PTPRN2: variants seen among roughly 807,000 people sequenced by gnomAD.
The protein encoded by PTPRN2 is protein tyrosine phosphatase receptor type N2, also known as receptor-type tyrosine-protein phosphatase N2.
PTPRN2 carries 74 observed loss-of-function variants against 118.8 expected under a neutral mutation model. The ratio of observed to expected loss-of-function variants is 0.62; its 90% CI spans 0.52 to 0.76. The LOEUF (loss-of-function observed/expected upper bound fraction) is 0.76, where lower values mean the gene tolerates loss of function less well. PTPRN2 is among the 30% of genes least tolerant of loss of function. The pLI, the probability that PTPRN2 is intolerant of heterozygous loss-of-function variation, is 0.00. For synonymous variants in PTPRN2, 641 were observed against 608.0 expected, an observed-to-expected ratio of 1.05 and a Z score of -0.80; for missense variants, 1,481 against 1,394.4, an observed-to-expected ratio of 1.06 and a Z score of -0.99.
rs191290845 is a variant in PTPRN2, at chr7:157,913,310, T to A, written c.1724-14573A>T. Among the ~76,000 whole-genome samples the A allele has an allele frequency of 1.1e-4, 17 of 152,350 alleles. No homozygotes were observed. The East Asian group carries it at 3.1e-3, about 28-fold the overall frequency. ...ATCTAATTCCATTAGTTTACCTGGA[T>A]CTTCTTCTGTCTCTTCTGAGTAAAT... is the stretch of plus-strand genomic sequence containing the variant. On this transcript the variant is annotated intron_variant, in intron 11 of 22. Transcript: ENST00000389418.
intron 11 of PTPRN2, among the ~76,000 whole-genome samples, chr7:158,007,940 CTGTGTG>C (rs1805756631): frequency 6.9e-6 from 1 of 144,490 alleles, no homozygotes; most frequent in Non-Finnish European, 1.5e-5. Flanking sequence ...TGTGGCTGTG[CTGTGTG>C]TGGGGGTGTG....
chr7:158,026,287 T>C (rs1807262516), intron 11 of PTPRN2, among the ~76,000 whole-genome samples: 1 of 152,200 alleles, frequency 6.6e-6, no homozygotes, highest in South Asian at 2.1e-4. Flanking sequence ...CCAGGGATGA[T>C]GGAAGGTATT....
chr7:157,976,406 T>C (rs1300227868), intron 11 of PTPRN2, among the ~76,000 whole-genome samples: 5 of 152,164 alleles, frequency 3.3e-5, no homozygotes, highest in African/African-American at 1.2e-4. Flanking sequence ...TTCTCTTTAT[T>C]GTTCAGTTAT....
intron 9 of PTPRN2, 152 bp downstream of exon 9, chr7:158,133,525 G>T (rs1457451839): frequency 1.6e-5 from 18 of 1,123,488 alleles, no homozygotes; most frequent in Non-Finnish European, 2.2e-5. Context: ...TGCCCTCCGC[G>T]CCTGAGACTC....
intron 2 of PTPRN2, among the ~76,000 whole-genome samples, chr7:158,330,032 T>G (rs1246917313): frequency 1.3e-5 from 2 of 150,518 alleles, no homozygotes; most frequent in Non-Finnish European, 3.0e-5. Context: ...CCATAAGAGG[T>G]GACATCTGCA....
At chr7:158,292,766 T>A (rs1211997500) in intron 3 of PTPRN2, among the ~76,000 whole-genome samples, 1 of 152,126 alleles carries the variant, frequency 6.6e-6, no homozygotes, top group Non-Finnish European at 1.5e-5. Flanking sequence ...AGTAAAAATA[T>A]GGTATAAAAG....
chr7:157,711,925 GGCC>G lies in PTPRN2; in HGVS notation c.1789-28991_1789-28989del, dbSNP rs1177375710. ...CCTCCAGTGTCTGGGGGGCCATGCA[GGCC>G]ACATGAGTGGGGGGAGGGGCTGCGT... is the stretch of plus-strand genomic sequence containing the variant. On this transcript the variant is annotated intron_variant, in intron 12 of 22. Transcript: ENST00000389418. Among the ~76,000 whole-genome samples, 127 of 136,490 alleles carry G rather than the reference GGCC, an allele frequency of 9.3e-4. 7 individuals are homozygous for G. Among genetic ancestry groups the G allele is most frequent in the South Asian group, 2.9e-3 (12 of 4,100 alleles). The allele number at this position is 136,490 out of a possible 152,430, so 89.5% of individuals were successfully genotyped here.
At chr7:157,809,904 G>A (rs1805876244) in intron 12 of PTPRN2, among the ~76,000 whole-genome samples, 1 of 152,216 alleles carries the variant, frequency 6.6e-6, no homozygotes, top group African/African-American at 2.4e-5. Flanking sequence ...TGGACTTGCT[G>A]TCCTTGAACA....
At chr7:158,447,554 A>G (rs1817810849) in intron 2 of PTPRN2, among the ~76,000 whole-genome samples, 1 of 152,142 alleles carries the variant, frequency 6.6e-6, no homozygotes. Flanking sequence ...ACGCGGCCCG[A>G]TAAGGCCGAC....
chr7:158,555,002 C>T lies in PTPRN2; in HGVS notation c.112+32556G>A, dbSNP rs542026974. Among the ~76,000 whole-genome samples, 1 of 152,278 alleles carries T rather than the reference C, an allele frequency of 6.6e-6. No individual in the cohort carries two copies. The highest frequency in any genetic ancestry group is 1.9e-4 in the East Asian group (1 of 5,172). On this transcript the variant is annotated intron_variant, in intron 1 of 22. Transcript: ENST00000389418. The surrounding 1 kb of genome is among the most constrained non-coding windows in gnomAD (Gnocchi z 4.7). ...AATTTATCCGGCCCCTCCTCGACTA[C>T]CAACTCCCCTCACCGGAGATGCCTG...
chr7:158,373,628 T>C (rs544606540), intron 2 of PTPRN2, among the ~76,000 whole-genome samples: 1 of 152,334 alleles, frequency 6.6e-6, no homozygotes, highest in African/African-American at 2.4e-5. Context: ...GGTTTGGAGA[T>C]GGTTTTCTGT....
chr7:158,124,108 A>G (rs1301215327), intron 9 of PTPRN2, among the ~76,000 whole-genome samples: 1 of 152,206 alleles, frequency 6.6e-6, no homozygotes, highest in Admixed American at 6.5e-5. Flanking sequence ...ATGTTTTCCG[A>G]CCCACCAAGC....
At chr7:158,182,314 C>T (rs1824783259) in intron 5 of PTPRN2, among the ~76,000 whole-genome samples, 1 of 152,062 alleles carries the variant, frequency 6.6e-6, no homozygotes, top group Non-Finnish European at 1.5e-5. Flanking sequence ...TTTATTGAGA[C>T]TTGTTTTGTA....
rs1823621761 is a variant in PTPRN2 at position 158,171,286 on chromosome 7, T to C, written c.550-3995A>G. On this transcript the variant is annotated intron_variant, in intron 5 of 22. Transcript: ENST00000389418. ...ATACACACATATATACACACATATA[T>C]ATACACACATATATATACACACATA... Among the ~76,000 whole-genome samples the C allele has an allele frequency of 2.7e-5, 2 of 75,354 alleles. 1 individual carries two copies. The highest frequency in any genetic ancestry group is 1.6e-4 in the African/African-American group (2 of 12,758). The allele number at this position is 75,354 out of a possible 152,430, so 49.4% of individuals were successfully genotyped here. A position where few individuals can be genotyped will look rare whatever the true frequency, so the allele number is the denominator to read the frequency against.
At chr7:158,483,222 C>G (rs1392986715) in intron 2 of PTPRN2, among the ~76,000 whole-genome samples, 1 of 152,166 alleles carries the variant, frequency 6.6e-6, no homozygotes. Flanking sequence ...ATTAATCTGT[C>G]TTTTGTTACA....
intron 11 of PTPRN2, among the ~76,000 whole-genome samples, chr7:157,927,662 CAT>C (rs1303766156): frequency 1.9e-4 from 28 of 150,928 alleles, no homozygotes; most frequent in Admixed American, 5.3e-4. Flanking sequence ...GCAGAGGCCT[CAT>C]GTCTGCTGGG....
chr7:158,453,040 A>C (rs1286223608), intron 2 of PTPRN2, among the ~76,000 whole-genome samples: 1 of 152,228 alleles, frequency 6.6e-6, no homozygotes, highest in Non-Finnish European at 1.5e-5. Context: ...TGTGAAAACT[A>C]AATGTTGGCT....
intron 21 of PTPRN2, among the ~76,000 whole-genome samples, chr7:157,553,032 G>A (rs1474794586): frequency 1.3e-5 from 2 of 152,210 alleles, no homozygotes; most frequent in Non-Finnish European, 2.9e-5. Context: ...TTCCAGGCAC[G>A]AGGACAGCAG....
Position 158,538,810 on chromosome 7 carries a change from A to G in PTPRN2, c.112+48748T>C, listed in dbSNP as rs1032862108. 3.3e-5 allele frequency among the ~76,000 whole-genome samples: 5 copies of G among 152,310 alleles called. No homozygotes were observed. The South Asian group carries it at 8.3e-4, about 25-fold the overall frequency. On this transcript the variant is annotated intron_variant, in intron 1 of 22. Coordinates refer to ENST00000389418, the MANE Select transcript of PTPRN2 (RefSeq NM_002847.5). ...GGGCCCTGACTCCAGTGATTCTCGC[A>G]GCCTCGTAACCCCAACAACAGGCCC...
Sources: gnomAD v4.1 joint callset for allele counts (sites outside exome capture counted in the v4.1 genomes callset) on GRCh38, gnomAD v4.1.1 for gene constraint, Gnocchi (gnomAD v3.1) non-coding constraint, MANE v1.5 for transcripts, NCBI Gene and HGNC (gene_info 2026-07-23, HGNC 2026-07-21) for gene names.